TMPRSS11A: variants seen among roughly 807,000 people sequenced by gnomAD.
The protein encoded by TMPRSS11A is transmembrane serine protease 11A, also known as transmembrane protease serine 11A.
A neutral mutation model predicts 58.9 loss-of-function variants in TMPRSS11A; 53 were observed. The observed-to-expected ratio is 0.90, with a 90% CI of 0.72 to 1.13. The LOEUF is 1.13. Ranked by LOEUF, TMPRSS11A falls within the 50% of genes most tolerant of loss-of-function variation. The pLI is 0.00. For synonymous variants in TMPRSS11A, 167 were observed against 169.8 expected, an observed-to-expected ratio of 0.98 and a Z score of 0.13; for missense variants, 493 against 499.3, an observed-to-expected ratio of 0.99 and a Z score of 0.12.
rs183182111 is a variant in TMPRSS11A at position 67,943,913 on chromosome 4, T to C, written c.252+606A>G. On this transcript the variant is annotated intron_variant, in intron 3 of 9. Transcript: ENST00000508048. Reference sequence around the variant, plus strand: ...TGCTTCCTTGTTAGAAAAATTAATTTGAACCTAGTTTTTGAGTGAGAATTC... The same window carrying C: ...TGCTTCCTTGTTAGAAAAATTAATTCGAACCTAGTTTTTGAGTGAGAATTC... 7.7e-3 allele frequency among the ~76,000 whole-genome samples: 1,165 copies of C among 152,286 alleles called. 10 individuals carry two copies. The highest frequency in any genetic ancestry group is 0.014 in the Non-Finnish European group (944 of 67,994).
intron 1 of TMPRSS11A, among the ~76,000 whole-genome samples, chr4:67,963,012 C>G (rs932171233): frequency 6.6e-6 from 1 of 152,266 alleles, no homozygotes; most frequent in East Asian, 1.9e-4. Flanking sequence ...GCTATAGAAG[C>G]TAAATTTTGT....
chr4:67,925,239 C>G (rs961404844), intron 5 of TMPRSS11A, among the ~76,000 whole-genome samples: 1 of 152,132 alleles, frequency 6.6e-6, no homozygotes, highest in Admixed American at 6.5e-5. Context: ...AACTTGTATA[C>G]ATGTATCAAA....
chr4:67,948,357 A>G (rs930824089), intron 1 of TMPRSS11A, among the ~76,000 whole-genome samples: 5 of 151,978 alleles, frequency 3.3e-5, no homozygotes, highest in Non-Finnish European at 7.4e-5. Flanking sequence ...ACAGGGTTTC[A>G]TGGTGTTAGC....
intron 1 of TMPRSS11A, among the ~76,000 whole-genome samples, chr4:67,957,078 AG>A (rs1030775080): frequency 2.0e-5 from 3 of 152,174 alleles, no homozygotes; most frequent in African/African-American, 7.2e-5. Context: ...CCATGATTTG[AG>A]GCCTCCCCAG....
At chr4:67,953,358 T>TA (rs1721209570) in intron 1 of TMPRSS11A, among the ~76,000 whole-genome samples, 1 of 152,178 alleles carries the variant, frequency 6.6e-6, no homozygotes, top group African/African-American at 2.4e-5. Flanking sequence ...TAGTTTTTTT[T>TA]AATATATCTG....
chr4:67,934,409 G>A (rs1188146243), intron 3 of TMPRSS11A, among the ~76,000 whole-genome samples: 1 of 152,120 alleles, frequency 6.6e-6, no homozygotes, highest in Non-Finnish European at 1.5e-5. Context: ...CATTCTTTTT[G>A]CCAACGTTCT....
chr4:67,961,830 G>C (rs1721436787), intron 1 of TMPRSS11A, among the ~76,000 whole-genome samples: 1 of 151,824 alleles, frequency 6.6e-6, no homozygotes, highest in South Asian at 2.1e-4. Flanking sequence ...TTTATCAGCA[G>C]GTGTCACTGA....
Position 67,935,361 on chromosome 4 carries a change from T to G in TMPRSS11A, c.253-3301A>C, listed in dbSNP as rs149038238. Among the ~76,000 whole-genome samples the G allele has an allele frequency of 2.7e-3, 413 of 152,302 alleles. 5 individuals carry two copies. The highest frequency in any genetic ancestry group is 9.4e-3 in the African/African-American group (390 of 41,568). On this transcript the variant is annotated intron_variant, in intron 3 of 9. Transcript: ENST00000508048. ...GTAACAACCTTCTCATTCTGCAAGT[T>G]CTGTGTTCCTGAATCACAACTATCC...
At chr4:67,942,326 G>A (rs1379431787) in intron 3 of TMPRSS11A, among the ~76,000 whole-genome samples, 1 of 152,134 alleles carries the variant, frequency 6.6e-6, no homozygotes. Context: ...GGATAGTTAG[G>A]TCATGAGGGT....
At chr4:67,944,483 A>C in intron 3 of TMPRSS11A, 36 bp downstream of exon 3, 2 of 1,589,070 alleles carry the variant, frequency 1.3e-6, no homozygotes, top group Non-Finnish European at 1.7e-6. Context: ...TTCCACTTGC[A>C]TTATTCTATG....
intron 8 of TMPRSS11A, among the ~76,000 whole-genome samples, chr4:67,916,262 T>C (rs1720142668): frequency 6.6e-6 from 1 of 152,020 alleles, no homozygotes; most frequent in East Asian, 1.9e-4. Context: ...TGCAATTTTA[T>C]ACATCAATTA....
At chr4:67,912,926 G>C (rs1441098559) in intron 9 of TMPRSS11A, among the ~76,000 whole-genome samples, 2 of 151,776 alleles carry the variant, frequency 1.3e-5, no homozygotes, top group Admixed American at 1.3e-4. Context: ...CTATTCATTT[G>C]GTGTTGGATC....
At position 67,914,657 on chromosome 4, in the gene TMPRSS11A, C is replaced by T. The variant is rs867576481; in HGVS notation, c.1026G>A (p.Val342=). 7.4e-6 allele frequency: 12 copies of T among 1,613,306 alleles called. No homozygotes were observed. Among genetic ancestry groups the T allele is most frequent in the Middle Eastern group, 3.3e-4 (2 of 6,080 alleles). ...ISDDVCKQPQ[V]YGNDIKPGMF... ...TTCCAGGTTTTATATCATTGCCATA[C>T]ACCTGTGGTTGCTTGCAGACATCAT... is the stretch of plus-strand genomic sequence containing the variant. The change falls in exon 9 of 10, where the codon GTG becomes GTA. Residue 342 remains valine, a synonymous_variant. Coordinates refer to ENST00000508048, the MANE Select transcript of TMPRSS11A (RefSeq NM_001114387.2).
Position 67,922,783 on chromosome 4 carries a change from G to T in TMPRSS11A, c.664C>A (p.Leu222Ile). 1 of 1,614,112 alleles carries T rather than the reference G, an allele frequency of 6.2e-7. No individual in the cohort carries two copies. The highest frequency in any genetic ancestry group is 8.5e-7 in the Non-Finnish European group (1 of 1,180,006). The change falls in exon 7 of 10, where the codon CTT becomes ATT. Residue 222 changes from leucine (L) to isoleucine (I), a missense_variant. Coordinates refer to ENST00000508048, the MANE Select transcript of TMPRSS11A (RefSeq NM_001114387.2). ...CGATLISNTW[L>I]VTAAHCFQKY... Reference sequence around the variant, plus strand: ...TGGAAGCAGTGTGCTGCAGTGACAAGCCATGTGTTACTAATCAAGGTGGCC... The same window carrying T: ...TGGAAGCAGTGTGCTGCAGTGACAATCCATGTGTTACTAATCAAGGTGGCC...
chr4:67,922,961 C>T (rs577340292), intron 6 of TMPRSS11A, 35 bp from the exon 7 acceptor site: 2 of 1,602,996 alleles, frequency 1.2e-6, no homozygotes, highest in South Asian at 1.1e-5. Context: ...TTATAAGAAA[C>T]ATCTTGTAAT....
chr4:67,936,037 G>A (rs535926930), intron 3 of TMPRSS11A, among the ~76,000 whole-genome samples: 76 of 152,180 alleles, frequency 5.0e-4, no homozygotes, highest in African/African-American at 1.7e-3. Context: ...TTTCATAGAA[G>A]AGGAAGTGAC....
chr4:67,919,322 T>C (rs980101067), intron 7 of TMPRSS11A, 90 bp from the exon 8 acceptor site: 32 of 1,200,420 alleles, frequency 2.7e-5, no homozygotes, highest in Non-Finnish European at 3.6e-5. Flanking sequence ...ATAAGAGAAA[T>C]ACAATCCTGA....
chr4:67,926,703 C>G (rs1720481472), intron 5 of TMPRSS11A, among the ~76,000 whole-genome samples: 1 of 152,198 alleles, frequency 6.6e-6, no homozygotes. Context: ...GAGCCCATCC[C>G]TGGGAGCCCC....
At chr4:67,918,704 G>A (rs961365427) in intron 8 of TMPRSS11A, among the ~76,000 whole-genome samples, 7 of 152,258 alleles carry the variant, frequency 4.6e-5, no homozygotes, top group Non-Finnish European at 1.0e-4. Context: ...AGAGCCAGAT[G>A]ACATCATATA....
Sources: gnomAD v4.1 joint callset for allele counts (sites outside exome capture counted in the v4.1 genomes callset) on GRCh38, gnomAD v4.1.1 for gene constraint, MANE v1.5 for transcripts, NCBI Gene and HGNC (gene_info 2026-07-23, HGNC 2026-07-21) for gene names.